Variants in MAGI2 observed in about 807,000 individuals in gnomAD.
The protein encoded by MAGI2 is membrane-associated guanylate kinase, WW and PDZ domain-containing protein 2.
Under a neutral mutation model 133.3 loss-of-function variants are expected in MAGI2, and 35 were observed. That is an observed-to-expected ratio of 0.26 (90% CI 0.20 to 0.35). MAGI2 has a LOEUF of 0.35. Among genes scored for constraint, MAGI2 ranks in the 10% least tolerant of loss-of-function variants. The probability of loss-of-function intolerance (pLI) is 1.00; values close to 1 mark genes in which losing one functional copy is unlikely to be tolerated. For synonymous variants in MAGI2, 729 were observed against 710.6 expected, an observed-to-expected ratio of 1.03 and a Z score of -0.41; for missense variants, 1,636 against 1,863.4, an observed-to-expected ratio of 0.88 and a Z score of 2.25.
chr7:78,927,720 A>C (rs185368786), intron 2 of MAGI2, among the ~76,000 whole-genome samples: 21 of 152,134 alleles, frequency 1.4e-4, no homozygotes, highest in Admixed American at 1.3e-3. Flanking sequence ...TGAGAAAGAT[A>C]AATATTATCA....
chr7:79,420,291 T>C (rs1429474466), intron 1 of MAGI2, among the ~76,000 whole-genome samples: 3 of 152,034 alleles, frequency 2.0e-5, no homozygotes, highest in South Asian at 4.1e-4. Flanking sequence ...TAAAGTTCTA[T>C]AAAACTAGAT....
chr7:78,086,914 G>A (rs114448648), intron 20 of MAGI2, among the ~76,000 whole-genome samples: 3,126 of 152,192 alleles, frequency 0.021, 113 homozygotes, highest in African/African-American at 0.071. Context: ...ACGATTACAG[G>A]CGTGAGCTAC....
At position 78,490,784 on chromosome 7, in the gene MAGI2, A is replaced by G. The variant is rs140564970; in HGVS notation, c.966-944T>C. Among the ~76,000 whole-genome samples, 416 of 152,208 alleles carry G rather than the reference A, an allele frequency of 2.7e-3. 1 individual carries two copies. The highest frequency in any genetic ancestry group is 3.9e-3 in the Non-Finnish European group (264 of 67,996). ...ACTGCTCATTGGAGCTAAAATGTTT[A>G]CTGTGTACAGCTGTCTCAAGGGATC... is the stretch of plus-strand genomic sequence containing the variant. On this transcript the variant is annotated intron_variant, in intron 5 of 21. Coordinates refer to ENST00000354212, the MANE Select transcript of MAGI2 (RefSeq NM_012301.4).
At chr7:78,457,383 C>T (rs1429336696) in intron 6 of MAGI2, among the ~76,000 whole-genome samples, 1 of 152,188 alleles carries the variant, frequency 6.6e-6, no homozygotes, top group Non-Finnish European at 1.5e-5. Context: ...AGGTTCAAAT[C>T]CGGGCCTTAG....
intron 1 of MAGI2, among the ~76,000 whole-genome samples, chr7:79,145,873 T>G (rs991271685): frequency 6.6e-6 from 1 of 152,222 alleles, no homozygotes; most frequent in African/African-American, 2.4e-5. Flanking sequence ...GTGTCATGCA[T>G]CCAAAATCAT....
intron 1 of MAGI2, among the ~76,000 whole-genome samples, chr7:79,232,536 C>A (rs1316144214): frequency 3.2e-5 from 4 of 126,018 alleles, no homozygotes; most frequent in Non-Finnish European, 6.6e-5. Flanking sequence ...GTGTATGTGT[C>A]GAGGAATTTA....
chr7:79,059,280 T>C (rs560471107), intron 1 of MAGI2, among the ~76,000 whole-genome samples: 3 of 152,236 alleles, frequency 2.0e-5, no homozygotes, highest in East Asian at 1.9e-4. Flanking sequence ...TACAATCCCA[T>C]GGGTAACGGA....
chr7:79,343,665 C>G (rs575725669), intron 1 of MAGI2, among the ~76,000 whole-genome samples: 2 of 152,048 alleles, frequency 1.3e-5, no homozygotes, highest in Non-Finnish European at 2.9e-5. Context: ...GTAATTTCCC[C>G]GATTCTGCTC....
chr7:78,419,576 G>C (rs1000959977), intron 6 of MAGI2, among the ~76,000 whole-genome samples: 2 of 146,058 alleles, frequency 1.4e-5, no homozygotes, highest in African/African-American at 5.1e-5. Flanking sequence ...CATTCCCTGA[G>C]ACTGAGTCTG....
At chr7:78,227,882 G>GTGTGTGTGTGTGTT (rs1789563680) in intron 10 of MAGI2, among the ~76,000 whole-genome samples, 2 of 146,650 alleles carry the variant, frequency 1.4e-5, no homozygotes, top group Non-Finnish European at 3.0e-5. Flanking sequence ...GTGTGTGTGT[G>GTGTGTGTGTGTGTT]TTTTAAACCC....
chr7:78,858,900 G>C (rs1793898994), intron 2 of MAGI2, among the ~76,000 whole-genome samples: 1 of 152,132 alleles, frequency 6.6e-6, no homozygotes, highest in Non-Finnish European at 1.5e-5. Flanking sequence ...CTAAGGACTT[G>C]CTTTATGAAT....
At chr7:78,205,480 T>C (rs1411208901) in intron 10 of MAGI2, among the ~76,000 whole-genome samples, 1 of 152,150 alleles carries the variant, frequency 6.6e-6, no homozygotes, top group African/African-American at 2.4e-5. Flanking sequence ...CCAGATAAAA[T>C]ATATACCCAG....
intron 1 of MAGI2, among the ~76,000 whole-genome samples, chr7:79,019,615 G>T (rs73141455): frequency 0.038 from 5,781 of 151,828 alleles, 148 homozygotes; most frequent in South Asian, 0.055. Flanking sequence ...GGTGATCTCA[G>T]CTCGCTTCCA....
intron 1 of MAGI2, chr7:79,176,996 A>T (rs1239260667): frequency 1.3e-5 from 2 of 151,980 alleles, no homozygotes; most frequent in African/African-American, 4.8e-5. Flanking sequence ...AATGATGCGG[A>T]ATCAGAAAGC....
chr7:78,425,525 A>G (rs1467417156), intron 6 of MAGI2, among the ~76,000 whole-genome samples: 5 of 152,184 alleles, frequency 3.3e-5, no homozygotes, highest in Admixed American at 3.3e-4. Context: ...GGAGCTAGAC[A>G]TCTGTATGTG....
chr7:79,408,122 A>T (rs889990373), intron 1 of MAGI2, among the ~76,000 whole-genome samples: 4 of 152,078 alleles, frequency 2.6e-5, no homozygotes. Context: ...GGAAAGCTTG[A>T]TTTTACTACA....
intron 1 of MAGI2, among the ~76,000 whole-genome samples, chr7:79,349,733 G>A (rs1841568903): frequency 6.6e-6 from 1 of 151,956 alleles, no homozygotes; most frequent in African/African-American, 2.4e-5. Context: ...AATATTACAT[G>A]TTTCTGCTTA....
chr7:79,272,348 A>G (rs542703842), intron 1 of MAGI2, among the ~76,000 whole-genome samples: 1 of 152,258 alleles, frequency 6.6e-6, no homozygotes, highest in African/African-American at 2.4e-5. Context: ...TTTTATGTAT[A>G]TCTCTATTAG....
intron 2 of MAGI2, among the ~76,000 whole-genome samples, chr7:78,740,821 C>A (rs1283056194): frequency 6.6e-6 from 1 of 152,084 alleles, no homozygotes; most frequent in Non-Finnish European, 1.5e-5. Flanking sequence ...AGAAAGCACC[C>A]CCATGCTAAT....
Sources: gnomAD v4.1 joint callset for allele counts (sites outside exome capture counted in the v4.1 genomes callset) on GRCh38, gnomAD v4.1.1 for gene constraint, MANE v1.5 for transcripts, NCBI Gene and HGNC (gene_info 2026-07-23, HGNC 2026-07-21) for gene names.